The following PAPPA variants were observed in gnomAD, a reference collection of about 807,000 sequenced individuals.
PAPPA encodes the protein pappalysin-1.
Under a neutral mutation model 164.0 loss-of-function variants are expected in PAPPA, and 60 were observed. That is an observed-to-expected ratio of 0.37 (90% CI 0.30 to 0.45). The LOEUF (loss-of-function observed/expected upper bound fraction) is 0.45, where lower values mean the gene tolerates loss of function less well. Among genes scored for constraint, PAPPA ranks in the 20% least tolerant of loss-of-function variants. The pLI is 1.00. For synonymous variants in PAPPA, 875 were observed against 814.1 expected, an observed-to-expected ratio of 1.07 and a Z score of -1.27; for missense variants, 1,782 against 2,087.3, an observed-to-expected ratio of 0.85 and a Z score of 2.85.
chr9:116,372,452 A>ATTTC (rs1197258261), intron 19 of PAPPA, among the ~76,000 whole-genome samples: 1 of 152,124 alleles, frequency 6.6e-6, no homozygotes, highest in Admixed American at 6.5e-5. Flanking sequence ...CAAACAAAAC[A>ATTTC]TTTCTGTGGT....
intron 19 of PAPPA, among the ~76,000 whole-genome samples, chr9:116,371,733 T>TA (rs547682066): frequency 6.6e-6 from 1 of 152,150 alleles, no homozygotes; most frequent in Non-Finnish European, 1.5e-5. Context: ...CTTACTTCTT[T>TA]AAGTGTAAGG....
chr9:116,310,332 G>A (rs1845700930), intron 10 of PAPPA, among the ~76,000 whole-genome samples: 1 of 152,158 alleles, frequency 6.6e-6, no homozygotes, highest in Non-Finnish European at 1.5e-5. Flanking sequence ...ATTCCAAGCA[G>A]TTTTCCCAAA....
At chr9:116,228,984 G>A (rs1183900611) in intron 6 of PAPPA, among the ~76,000 whole-genome samples, 2 of 152,108 alleles carry the variant, frequency 1.3e-5, no homozygotes, top group African/African-American at 2.4e-5. Context: ...ACTATATGCT[G>A]GGCACTGTCT....
intron 7 of PAPPA, among the ~76,000 whole-genome samples, chr9:116,262,219 C>T (rs1315331007): frequency 1.3e-5 from 2 of 148,510 alleles, no homozygotes; most frequent in Admixed American, 6.7e-5. Flanking sequence ...AAAAAAAAAT[C>T]GCAAAGATTC....
At chr9:116,224,654 G>C (rs373915) in intron 5 of PAPPA, among the ~76,000 whole-genome samples, 69,120 of 152,106 alleles carry the variant, frequency 0.45, 16,348 homozygotes, top group East Asian at 0.73. Flanking sequence ...TCAGTACTAA[G>C]ATTATAGCCA....
intron 6 of PAPPA, among the ~76,000 whole-genome samples, chr9:116,231,538 C>A (rs973238998): frequency 2.0e-5 from 3 of 152,050 alleles, no homozygotes; most frequent in African/African-American, 4.8e-5. Flanking sequence ...ACTAGTCTTG[C>A]AAGACTAAAA....
intron 20 of PAPPA, among the ~76,000 whole-genome samples, chr9:116,381,643 C>G (rs1846733045): frequency 6.6e-6 from 1 of 152,158 alleles, no homozygotes; most frequent in Admixed American, 6.5e-5. Flanking sequence ...TATGCCAGAA[C>G]AGCCAAGAGA....
At chr9:116,332,789 A>G in intron 12 of PAPPA, 1 of 212,660 alleles carries the variant, frequency 4.7e-6, no homozygotes, top group Non-Finnish European at 9.5e-6. Flanking sequence ...TCCCCGTTGT[A>G]CATGTCACCA....
chr9:116,274,309 T>A (rs1424038960), intron 9 of PAPPA, among the ~76,000 whole-genome samples: 4 of 152,334 alleles, frequency 2.6e-5, no homozygotes, highest in Admixed American at 2.6e-4. Flanking sequence ...AATCTCATTA[T>A]AGACACTCAC....
chr9:116,312,899 C>T (rs549524739), intron 10 of PAPPA, among the ~76,000 whole-genome samples: 6 of 151,914 alleles, frequency 3.9e-5, no homozygotes, highest in South Asian at 2.1e-4. Flanking sequence ...CTGGCTAACA[C>T]GGTGAAACCT....
intron 9 of PAPPA, among the ~76,000 whole-genome samples, chr9:116,295,633 A>G (rs934755407): frequency 1.3e-5 from 2 of 152,074 alleles, no homozygotes; most frequent in African/African-American, 4.8e-5. Context: ...TTTATTTAAC[A>G]TAGTATTGCA....
At position 116,194,817 on chromosome 9, in the gene PAPPA, G is replaced by C. The variant is rs146905686; in HGVS notation, c.1478+6601G>C. On this transcript the variant is annotated intron_variant, in intron 2 of 21. Transcript: ENST00000328252. ...GTCAGCATTGTTTTACAGAGACTGT[G>C]TTCCTACAGGCTCATAAAAAAAGGC... 4.0e-3 allele frequency among the ~76,000 whole-genome samples: 614 copies of C among 152,218 alleles called. 3 individuals are homozygous for C. The highest frequency in any genetic ancestry group is 0.013 in the African/African-American group (552 of 41,526).
intron 9 of PAPPA, among the ~76,000 whole-genome samples, chr9:116,293,237 G>A (rs552748949): frequency 7.9e-5 from 12 of 152,288 alleles, no homozygotes; most frequent in Middle Eastern, 3.4e-3. Flanking sequence ...TTTAGGAGAC[G>A]TATAACAGAA....
At chr9:116,192,026 C>T (rs1844048657) in intron 2 of PAPPA, among the ~76,000 whole-genome samples, 1 of 152,086 alleles carries the variant, frequency 6.6e-6, no homozygotes, top group South Asian at 2.1e-4. Context: ...AGCTGTGGCT[C>T]TCAGCAAGGG....
At position 116,166,539 on chromosome 9, in the gene PAPPA, A is replaced by G. The variant is rs181792052; in HGVS notation, c.415+11952A>G. Among the ~76,000 whole-genome samples, 13 of 152,170 alleles carry G rather than the reference A, an allele frequency of 8.5e-5. No individual in the cohort carries two copies. The East Asian group carries it at 9.7e-4, about 11-fold the overall frequency. On this transcript the variant is annotated intron_variant, in intron 1 of 21. Transcript: ENST00000328252. ...TTCCTTGATTTTCCTTGATCTTGTG[A>G]GACCTTGTGATGACCTCAGGATCTG... is the stretch of plus-strand genomic sequence containing the variant.
intron 4 of PAPPA, among the ~76,000 whole-genome samples, chr9:116,218,033 T>C (rs1844397472): frequency 6.6e-6 from 1 of 152,220 alleles, no homozygotes; most frequent in Non-Finnish European, 1.5e-5. Context: ...GAGGACTTTT[T>C]CCTTGCAATA....
At chr9:116,259,968 G>A (rs1844981834) in intron 7 of PAPPA, among the ~76,000 whole-genome samples, 1 of 152,086 alleles carries the variant, frequency 6.6e-6, no homozygotes, top group South Asian at 2.1e-4. Context: ...TATTCATATG[G>A]TAAAATATTT....
intron 10 of PAPPA, among the ~76,000 whole-genome samples, chr9:116,322,916 A>G (rs1845877517): frequency 1.3e-5 from 2 of 152,134 alleles, no homozygotes; most frequent in African/African-American, 4.8e-5. Context: ...GCTCATTCGC[A>G]GGTCCCTTTG....
Position 116,401,084 on chromosome 9 carries a change from C to CTTGT in PAPPA, c.*4472_*4475dup, listed in dbSNP as rs1200225873. 1 of 152,568 alleles carries CTTGT rather than the reference C, an allele frequency of 6.6e-6. No homozygotes were observed. The highest frequency in any genetic ancestry group is 2.4e-5 in the African/African-American group (1 of 41,420). The allele number at this position is 152,568 out of a possible 1,614,324, so 9.5% of individuals were successfully genotyped here. A position where few individuals can be genotyped will look rare whatever the true frequency, so the allele number is the denominator to read the frequency against. On this transcript the variant is annotated 3_prime_UTR_variant, in exon 22 of 22. Coordinates refer to ENST00000328252, the MANE Select transcript of PAPPA (RefSeq NM_002581.5). ...TTTTAGAAAGACAAGACAGGGAGTG[C>CTTGT]TTGTTTGATATTTCAAGGAATAAAG...
Sources: allele counts gnomAD v4.1 joint callset (sites outside exome capture counted in the v4.1 genomes callset), GRCh38; gene constraint gnomAD v4.1.1; transcripts MANE v1.5; gene names NCBI Gene and HGNC (gene_info 2026-07-23, HGNC 2026-07-21).